Variants in AUTS2 observed in about 807,000 individuals in gnomAD.
AUTS2 encodes activator of transcription and developmental regulator AUTS2, also known as autism susceptibility gene 2 protein.
A neutral mutation model predicts 112.4 loss-of-function variants in AUTS2; 17 were observed. The ratio of observed to expected loss-of-function variants is 0.15; its 90% CI spans 0.10 to 0.23. The LOEUF is 0.23. AUTS2 is among the 10% of genes least tolerant of loss of function. AUTS2 has a pLI of 1.00. For synonymous variants in AUTS2, 751 were observed against 702.7 expected (o/e 1.07, Z -1.09); for missense variants, 1,510 against 1,701.6 (o/e 0.89, Z 1.98).
chr7:70,345,249 C>A (rs1011115219), intron 4 of AUTS2, among the ~76,000 whole-genome samples: 4 of 152,154 alleles, frequency 2.6e-5, no homozygotes, highest in African/African-American at 9.7e-5. Flanking sequence ...CAACTTCCCT[C>A]CAGAAAGTCT....
intron 4 of AUTS2, among the ~76,000 whole-genome samples, chr7:70,191,161 C>CTTTTTTTTTTTTTTTTTTTTTTTTTTT (rs34637651): frequency 1.2e-5 from 1 of 86,426 alleles, no homozygotes; most frequent in Admixed American, 1.7e-4. Flanking sequence ...CCACTTATTT[C>CTTTTTTTTTTTTTTTTTTTTTTTTTTT]TTTTTTTTTT....
chr7:69,951,836 G>A (rs1797039025), intron 2 of AUTS2, among the ~76,000 whole-genome samples: 1 of 152,118 alleles, frequency 6.6e-6, no homozygotes, highest in Non-Finnish European at 1.5e-5. Context: ...TTTTAGAGAG[G>A]AAAAATGTGG....
intron 4 of AUTS2, among the ~76,000 whole-genome samples, chr7:70,172,226 T>C (rs987032249): frequency 2.0e-5 from 3 of 152,176 alleles, no homozygotes; most frequent in African/African-American, 7.2e-5. Flanking sequence ...TTACAGGATG[T>C]CTTGTGCTGC....
intron 4 of AUTS2, among the ~76,000 whole-genome samples, chr7:70,226,291 C>G (rs950102664): frequency 4.0e-5 from 6 of 151,890 alleles, no homozygotes; most frequent in African/African-American, 1.5e-4. Flanking sequence ...AGGTTCATGC[C>G]ATTCTCTTGC....
At chr7:70,365,403 A>G (rs1384820028) in intron 4 of AUTS2, among the ~76,000 whole-genome samples, 1 of 152,262 alleles carries the variant, frequency 6.6e-6, no homozygotes, top group Non-Finnish European at 1.5e-5. Context: ...ACAGATGGAG[A>G]AACTTGTCCA....
At position 70,536,288 on chromosome 7, in the gene AUTS2, C is replaced by A. The variant is rs367616465; in HGVS notation, c.690+100507C>A. Among the ~76,000 whole-genome samples, 6 of 152,066 alleles carry A rather than the reference C, an allele frequency of 3.9e-5. 1 individual carries two copies. In the East Asian group the frequency reaches 5.8e-4, roughly 15 times the overall value. ...TGAGTGACAGAGTGAGACTCCATCT[C>A]AAAAAATTAAAAAATAAAAGTAATT... On this transcript the variant is annotated intron_variant, in intron 5 of 18. Coordinates refer to ENST00000342771, the MANE Select transcript of AUTS2 (RefSeq NM_015570.4).
At chr7:70,628,800 C>T (rs1805100306) in intron 5 of AUTS2, among the ~76,000 whole-genome samples, 1 of 152,076 alleles carries the variant, frequency 6.6e-6, no homozygotes, top group South Asian at 2.1e-4. Context: ...TTGGGATCCT[C>T]AGGATGGGAA....
chr7:69,671,515 G>C (rs1040995123), intron 1 of AUTS2, among the ~76,000 whole-genome samples: 4 of 151,582 alleles, frequency 2.6e-5, no homozygotes, highest in Non-Finnish European at 5.9e-5. Flanking sequence ...GTGTGTGTGT[G>C]TGTGTGTGTC....
chr7:69,627,768 G>A (rs888303258), intron 1 of AUTS2, among the ~76,000 whole-genome samples: 2 of 152,142 alleles, frequency 1.3e-5, no homozygotes, highest in South Asian at 4.1e-4. Context: ...GCCCAGCTTT[G>A]CCACTACCTA....
chr7:70,147,591 T>C (rs1807198599), intron 4 of AUTS2, among the ~76,000 whole-genome samples: 1 of 152,174 alleles, frequency 6.6e-6, no homozygotes, highest in Admixed American at 6.6e-5. Flanking sequence ...AAGCACATGT[T>C]TTCCTATTTG....
chr7:70,553,916 C>T (rs548845200), intron 5 of AUTS2, among the ~76,000 whole-genome samples: 335 of 147,090 alleles, frequency 2.3e-3, no homozygotes, highest in Non-Finnish European at 3.9e-3. Flanking sequence ...TACAGGCACG[C>T]GCCACCACAC....
chr7:70,360,784 G>A (rs1792224949), intron 4 of AUTS2, among the ~76,000 whole-genome samples: 3 of 152,152 alleles, frequency 2.0e-5, no homozygotes, highest in Non-Finnish European at 2.9e-5. Context: ...AAGGCTGACC[G>A]TGAGCTGTGT....
At chr7:70,233,547 G>C (rs569087044) in intron 4 of AUTS2, among the ~76,000 whole-genome samples, 1 of 152,144 alleles carries the variant, frequency 6.6e-6, no homozygotes, top group South Asian at 2.1e-4. Context: ...GCTGCGTTTA[G>C]AAATGGAATT....
Position 70,657,821 on chromosome 7 carries a change from C to T in AUTS2, c.691-40748C>T, listed in dbSNP as rs73451617. Reference sequence around the variant, plus strand: ...ACTTGACCACGTGTGAACAAGTAACCTCATGTTTCTGGGGACAGGCAGGGA... The same window carrying T: ...ACTTGACCACGTGTGAACAAGTAACTTCATGTTTCTGGGGACAGGCAGGGA... On this transcript the variant is annotated intron_variant, in intron 5 of 18. Coordinates refer to ENST00000342771, the MANE Select transcript of AUTS2 (RefSeq NM_015570.4). 8.0e-3 allele frequency among the ~76,000 whole-genome samples: 1,225 copies of T among 152,206 alleles called. 21 individuals carry two copies. The highest frequency in any genetic ancestry group is 0.028 in the African/African-American group (1,181 of 41,514).
chr7:69,984,385 CG>C (rs1798420759), intron 2 of AUTS2, among the ~76,000 whole-genome samples: 1 of 127,356 alleles, frequency 7.9e-6, no homozygotes, highest in African/African-American at 3.1e-5. Context: ...CCAGCCTGGG[CG>C]ACAGAGTGAG....
At chr7:70,617,570 G>A (rs1023051734) in intron 5 of AUTS2, among the ~76,000 whole-genome samples, 5 of 152,040 alleles carry the variant, frequency 3.3e-5, no homozygotes, top group African/African-American at 2.4e-5. Flanking sequence ...GGCTGAGGCA[G>A]GAGAATGGCA....
Position 70,095,187 on chromosome 7 carries a change from A to AT in AUTS2, c.523-22939dup, listed in dbSNP as rs569187700. 2.6e-4 allele frequency among the ~76,000 whole-genome samples: 39 copies of AT among 152,260 alleles called. No individual in the cohort carries two copies. The East Asian group carries it at 6.6e-3, about 26-fold the overall frequency. ...AGCTGCCTGCTCCAGACAAGCAGAT[A>AT]TTTTTTAATGATTTCAATTAATGAA... On this transcript the variant is annotated intron_variant, in intron 2 of 18. Coordinates refer to ENST00000342771, the MANE Select transcript of AUTS2 (RefSeq NM_015570.4).
In AUTS2 at chr7:70,511,819, G is replaced by A. The variant is rs149062997; in HGVS notation, c.690+76038G>A. On this transcript the variant is annotated intron_variant, in intron 5 of 18. Coordinates refer to ENST00000342771, the MANE Select transcript of AUTS2 (RefSeq NM_015570.4). ...TTGAACTCCTGACCTCAAGTGATCC[G>A]CCTTGCCTTGGTCTCCCAAAGTGCT... Among the ~76,000 whole-genome samples, 335 of 151,690 alleles carry A rather than the reference G, an allele frequency of 2.2e-3. 1 individual carries two copies. The highest frequency in any genetic ancestry group is 7.8e-3 in the African/African-American group (321 of 41,366).
At chr7:70,407,809 C>T (rs751205172) in intron 4 of AUTS2, among the ~76,000 whole-genome samples, 1 of 152,008 alleles carries the variant, frequency 6.6e-6, no homozygotes. Flanking sequence ...AATCCTAGCA[C>T]TTTGGGAGGC....
Sources: allele counts gnomAD v4.1 joint callset (sites outside exome capture counted in the v4.1 genomes callset), GRCh38; gene constraint gnomAD v4.1.1; transcripts MANE v1.5; gene names NCBI Gene and HGNC (gene_info 2026-07-23, HGNC 2026-07-21).